The following ZNF462 variants were observed in gnomAD, a reference collection of about 807,000 sequenced individuals.
ZNF462 encodes the protein zinc finger protein 462.
In ZNF462, 10 loss-of-function variants were observed where a neutral mutation model predicts 201.9. The observed-to-expected ratio is 0.05, with a 90% CI of 0.03 to 0.08. The LOEUF is 0.08. ZNF462 is among the 10% of genes least tolerant of loss of function. The pLI is 1.00. For missense variants in ZNF462, 2,523 were observed against 3,168.3 expected (o/e 0.80, Z 4.89); for synonymous variants, 1,227 against 1,193.3 (o/e 1.03, Z -0.58).
chr9:106,930,032 A>G lies in ZNF462; in HGVS notation c.5847+273A>G, dbSNP rs1159682461. Among the ~76,000 whole-genome samples, 1 of 152,050 alleles carries G rather than the reference A, an allele frequency of 6.6e-6. No homozygotes were observed. The highest frequency in any genetic ancestry group is 1.5e-5 in the Non-Finnish European group (1 of 68,018). ...GGTTTCTATGTATGTCTTTCTGCCA[A>G]GTAGCTTTATCTGAAGCCTAGTTTT... On this transcript the variant is annotated intron_variant, in intron 3 of 12. Coordinates refer to ENST00000277225, the MANE Select transcript of ZNF462 (RefSeq NM_021224.6). The surrounding 1 kb of genome is among the most constrained non-coding windows in gnomAD (Gnocchi z 5.8).
intron 7 of ZNF462, among the ~76,000 whole-genome samples, chr9:106,955,761 C>A (rs1387822666): frequency 2.0e-5 from 3 of 152,154 alleles, no homozygotes; most frequent in South Asian, 2.1e-4. Context: ...ACAGTGTTCG[C>A]AACATCTTCA....
chr9:106,929,225 G>A lies in ZNF462; in HGVS notation c.5313G>A (p.Leu1771=). Residue 1771 remains leucine, a synonymous_variant, in exon 3 of 13, where the codon TTG becomes TTA. Transcript: ENST00000277225. The surrounding 1 kb of genome is among the most constrained non-coding windows in gnomAD (Gnocchi z 8.7). ...CAGTGGAGAAGAAAAAGTGCTCCTTGTGCTCTTTCCAGTCGTTCAGCAAGA... is the reference window on the plus strand; with the variant it reads ...CAGTGGAGAAGAAAAAGTGCTCCTTATGCTCTTTCCAGTCGTTCAGCAAGA... The part of the protein sequence containing the change: ...RRAVEKKKCS[L]CSFQSFSKKG... 1 of 1,614,188 alleles carries A rather than the reference G, an allele frequency of 6.2e-7. No individual in the cohort carries two copies. Among genetic ancestry groups the A allele is most frequent in the Non-Finnish European group, 8.5e-7 (1 of 1,180,046 alleles).
chr9:106,926,874 A>G lies in ZNF462; in HGVS notation c.2962A>G (p.Met988Val), dbSNP rs371264064. The G allele has an allele frequency of 2.5e-6, 4 of 1,614,152 alleles. No homozygotes were observed. Among genetic ancestry groups the G allele is most frequent in the Non-Finnish European group, 3.4e-6 (4 of 1,180,024 alleles). Reference sequence around the variant, plus strand: ...GATTCTGAATTCGGCTCCCAAGAACATGGCGACTTCCACACCTGTGGCTCG... The same window carrying G: ...GATTCTGAATTCGGCTCCCAAGAACGTGGCGACTTCCACACCTGTGGCTCG... Reference protein sequence around the residue: ...REILNSAPKNMATSTPVARGG... With the variant: ...REILNSAPKNVATSTPVARGG... The change falls in exon 3 of 13, where the codon ATG (methionine) becomes GTG (valine). Residue 988 changes from methionine to valine, a missense_variant. Physicochemically the swap from Met to Val is conservative, Grantham distance 21. Around this residue, in one of 15 missense-constraint regions of ZNF462, gnomAD observed 280 missense variants for 321.3 expected, o/e 0.87. Transcript: ENST00000277225. This position sits in a 1 kb window ranked among gnomAD's most constrained non-coding sequence, Gnocchi z 7.9.
chr9:106,861,415 A>T (rs963851272), upstream of ZNF462, among the ~76,000 whole-genome samples: 1 of 152,180 alleles, frequency 6.6e-6, no homozygotes, highest in African/African-American at 2.4e-5. Context: ...TAAAGAGGAC[A>T]GACTTGCCCA....
chr9:106,947,560 G>A (rs1831165680), intron 7 of ZNF462, among the ~76,000 whole-genome samples: 2 of 152,260 alleles, frequency 1.3e-5, no homozygotes, highest in Non-Finnish European at 2.9e-5. Context: ...CAATTCCCAA[G>A]TGATGAAAAA....
At chr9:106,997,655 A>G (rs1377227294) in intron 10 of ZNF462, among the ~76,000 whole-genome samples, 2 of 152,128 alleles carry the variant, frequency 1.3e-5, no homozygotes, top group Non-Finnish European at 2.9e-5. Context: ...AATCGTAGAG[A>G]CAATACTTTG....
rs1829999744 is a variant in ZNF462, at chr9:107,012,765, A to G, written c.*1735A>G. The G allele has an allele frequency of 6.7e-6, 1 of 150,212 alleles. No individual in the cohort carries two copies. Among genetic ancestry groups the G allele is most frequent in the African/African-American group, 2.4e-5 (1 of 40,900 alleles). 9.3% of individuals were successfully genotyped at this position (150,212 alleles called of 1,614,324 possible). A position where few individuals can be genotyped will look rare whatever the true frequency, so the allele number is the denominator to read the frequency against. On this transcript the variant is annotated 3_prime_UTR_variant, in exon 13 of 13. Coordinates refer to ENST00000277225, the MANE Select transcript of ZNF462 (RefSeq NM_021224.6). ...GGTTGTGGGAGGGTGGGAGGGAAGAAAGGGAAGGGGAATTGCTGAGATGAC... is the reference window on the plus strand; with the variant it reads ...GGTTGTGGGAGGGTGGGAGGGAAGAGAGGGAAGGGGAATTGCTGAGATGAC...
chr9:106,863,127 G>GGAGAGA (rs2130732201), upstream of ZNF462: 2 of 397,908 alleles, frequency 5.0e-6, no homozygotes, highest in South Asian at 2.6e-4. Context: ...AGAGAGAGAG[G>GGAGAGA]GAGAGAGACG....
Position 106,962,798 on chromosome 9 carries a change from G to A in ZNF462, c.6428-9207G>A, listed in dbSNP as rs533870312. 3.3e-5 allele frequency among the ~76,000 whole-genome samples: 5 copies of A among 152,022 alleles called. No homozygotes were observed. The highest frequency in any genetic ancestry group is 4.4e-5 in the Non-Finnish European group (3 of 67,934). On this transcript the variant is annotated intron_variant, in intron 7 of 12. Coordinates refer to ENST00000277225, the MANE Select transcript of ZNF462 (RefSeq NM_021224.6). The surrounding 1 kb of genome is among the most constrained non-coding windows in gnomAD (Gnocchi z 4.6). ...TTTTTCCGTTTGCCTCCATGACAAC[G>A]GAGTCCAGAATTCCTATATATAGTC... is the stretch of plus-strand genomic sequence containing the variant.
chr9:106,942,471 G>C (rs1378211086), intron 7 of ZNF462, among the ~76,000 whole-genome samples: 1 of 152,124 alleles, frequency 6.6e-6, no homozygotes, highest in African/African-American at 2.4e-5. Flanking sequence ...ATGATGATCA[G>C]TTGTTGGAAA....
At chr9:106,862,270 G>A (rs1827089244), upstream of ZNF462, among the ~76,000 whole-genome samples, 1 of 152,178 alleles carries the variant, frequency 6.6e-6, no homozygotes, top group African/African-American at 2.4e-5. The surrounding 1 kb of genome is among the most constrained non-coding windows in gnomAD (Gnocchi z 4.2). Context: ...AGTTCCCCAC[G>A]TATGTTCTTT....
intron 1 of ZNF462, among the ~76,000 whole-genome samples, chr9:106,901,829 G>GT (rs1487600554): frequency 1.3e-5 from 2 of 152,216 alleles, no homozygotes; most frequent in Admixed American, 6.5e-5. Flanking sequence ...AGTTCTTAGG[G>GT]TTTTCAAGGT....
At chr9:106,976,829 C>T (rs1296379373) in intron 9 of ZNF462, among the ~76,000 whole-genome samples, 3 of 152,062 alleles carry the variant, frequency 2.0e-5, no homozygotes, top group Non-Finnish European at 4.4e-5. Context: ...ACTGTTATCC[C>T]CCATGATGAG....
chr9:107,012,631 G>A lies in ZNF462; in HGVS notation c.*1601G>A, dbSNP rs1399219522. On this transcript the variant is annotated 3_prime_UTR_variant, in exon 13 of 13. Coordinates refer to ENST00000277225, the MANE Select transcript of ZNF462 (RefSeq NM_021224.6). ...TGAAGCCTAGGTTTTAGAAGCCCGT[G>A]TGTGTGTGTGCTTGGATGTGTGTGT... The A allele has an allele frequency of 6.7e-6, 1 of 149,690 alleles. No homozygotes were observed. Among genetic ancestry groups the A allele is most frequent in the Non-Finnish European group, 1.5e-5 (1 of 67,532 alleles). 9.3% of individuals were successfully genotyped at this position (149,690 alleles called of 1,614,324 possible). A position where few individuals can be genotyped will look rare whatever the true frequency, so the allele number is the denominator to read the frequency against.
At chr9:106,897,459 A>G (rs1380923546) in intron 1 of ZNF462, among the ~76,000 whole-genome samples, 1 of 152,106 alleles carries the variant, frequency 6.6e-6, no homozygotes, top group African/African-American at 2.4e-5. Context: ...TTCTACTTTA[A>G]TATGTCGATC....
At chr9:106,983,290 T>C (rs907948872) in intron 9 of ZNF462, among the ~76,000 whole-genome samples, 1 of 152,114 alleles carries the variant, frequency 6.6e-6, no homozygotes, top group Non-Finnish European at 1.5e-5. Flanking sequence ...CTCTCTCTCT[T>C]TTATTTTTTC....
chr9:106,898,094 G>T (rs2131140487), intron 1 of ZNF462, among the ~76,000 whole-genome samples: 1 of 152,170 alleles, frequency 6.6e-6, no homozygotes, highest in East Asian at 1.9e-4. Flanking sequence ...TATTTAATGT[G>T]CATGGAGTCC....
In ZNF462 at chr9:106,886,563, T is replaced by A. The variant is rs1828328329; in HGVS notation, c.-31+23208T>A. On this transcript the variant is annotated intron_variant, in intron 1 of 12. Coordinates refer to ENST00000277225, the MANE Select transcript of ZNF462 (RefSeq NM_021224.6). The surrounding 1 kb of genome is among the most constrained non-coding windows in gnomAD (Gnocchi z 4.6). The stretch of plus-strand genomic sequence containing the variant: ...CAAAAAAAATAGAAGAGATAGGGTC[T>A]GAAAAGGAAGGAGCTCCTGTCATCC... Among the ~76,000 whole-genome samples, 1 of 152,156 alleles carries A rather than the reference T, an allele frequency of 6.6e-6. No individual in the cohort carries two copies. Among genetic ancestry groups the A allele is most frequent in the African/African-American group, 2.4e-5 (1 of 41,438 alleles).
chr9:106,967,855 T>G (rs1832150067), intron 7 of ZNF462, among the ~76,000 whole-genome samples: 1 of 152,206 alleles, frequency 6.6e-6, no homozygotes, highest in African/African-American at 2.4e-5. Context: ...TTTTGAAATT[T>G]CAGATATTCT....
Sources: allele counts gnomAD v4.1 joint callset (sites outside exome capture counted in the v4.1 genomes callset), GRCh38; gene constraint gnomAD v4.1.1; regional missense constraint gnomAD v4.1.1; non-coding constraint Gnocchi (gnomAD v3.1); transcripts MANE v1.5; gene names NCBI Gene and HGNC (gene_info 2026-07-23, HGNC 2026-07-21).